DIPK1C: variants seen among roughly 807,000 people sequenced by gnomAD.
The protein encoded by DIPK1C is divergent protein kinase domain 1C.
Under a neutral mutation model 28.0 loss-of-function variants are expected in DIPK1C, and 33 were observed. The observed-to-expected ratio is 1.18, with a 90% CI of 0.89 to 1.58. The LOEUF is 1.58. DIPK1C is among the 40% of genes most tolerant of loss of function. DIPK1C has a pLI of 0.00. For synonymous variants in DIPK1C, 255 were observed against 248.8 expected (o/e 1.02, Z -0.23); for missense variants, 569 against 568.5 (o/e 1.00, Z -0.01).
At chr18:74,460,049 A>T (rs143318393), upstream of DIPK1C, among the ~76,000 whole-genome samples, 20 of 152,272 alleles carry the variant, frequency 1.3e-4, no homozygotes, top group African/African-American at 4.6e-4. Context: ...GAGAAGCTTT[A>T]TTTGGGCTGA....
chr18:74,456,854 C>T (rs1436053538), intron 1 of DIPK1C, among the ~76,000 whole-genome samples: 1 of 152,186 alleles, frequency 6.6e-6, no homozygotes, highest in Non-Finnish European at 1.5e-5. Context: ...GGAGAGACAC[C>T]CCCAGCGCGC....
intron 3 of DIPK1C, among the ~76,000 whole-genome samples, chr18:74,441,626 T>G (rs1465522121): frequency 6.6e-6 from 1 of 152,166 alleles, no homozygotes; most frequent in African/African-American, 2.4e-5. Flanking sequence ...TGGATTAGTC[T>G]CAGGATTCTC....
At chr18:74,442,886 C>A (rs1283050033) in intron 2 of DIPK1C, among the ~76,000 whole-genome samples, 1 of 152,198 alleles carries the variant, frequency 6.6e-6, no homozygotes, top group Non-Finnish European at 1.5e-5. Context: ...ATACAGAGAA[C>A]CTATTCCGTG....
At chr18:74,444,824 C>T (rs985491017) in intron 2 of DIPK1C, among the ~76,000 whole-genome samples, 2 of 152,134 alleles carry the variant, frequency 1.3e-5, no homozygotes, top group African/African-American at 4.8e-5. Flanking sequence ...AAAACACAGT[C>T]TGGGGCTAGG....
chr18:74,461,594 C>T (rs932194035), upstream of DIPK1C, among the ~76,000 whole-genome samples: 46 of 152,020 alleles, frequency 3.0e-4, no homozygotes, highest in Non-Finnish European at 6.5e-4. Flanking sequence ...GTCTCAAACT[C>T]CTGGGCTCAA....
chr18:74,444,225 A>G (rs1198807175), intron 2 of DIPK1C, among the ~76,000 whole-genome samples: 2 of 152,196 alleles, frequency 1.3e-5, no homozygotes, highest in African/African-American at 4.8e-5. Context: ...CTGGAGTAGG[A>G]AGCCATACCA....
chr18:74,446,786 G>A lies in DIPK1C; in HGVS notation c.696C>T (p.His232=). The change falls in exon 2 of 4, where the codon CAC becomes CAT. Residue 232 remains histidine, a synonymous_variant. Coordinates refer to ENST00000343998, the MANE Select transcript of DIPK1C (RefSeq NM_001044369.3). The part of the protein sequence containing the change: ...VEFLAAGSPH[H]RALFPLDRAP... Reference sequence around the variant, plus strand: ...CCCGGTCCAGGGGGAAGAGTGCCCTGTGGTGGGGGCTGCCCGCGGCCAGGA... The same window carrying A: ...CCCGGTCCAGGGGGAAGAGTGCCCTATGGTGGGGGCTGCCCGCGGCCAGGA... 5 of 1,501,418 alleles carry A rather than the reference G, an allele frequency of 3.3e-6. No individual in the cohort carries two copies. In the South Asian group the frequency reaches 6.5e-5, roughly 20 times the overall value. 93.0% of individuals were successfully genotyped at this position (1,501,418 alleles called of 1,614,324 possible). A position where few individuals can be genotyped will look rare whatever the true frequency, so the allele number is the denominator to read the frequency against.
intron 1 of DIPK1C, among the ~76,000 whole-genome samples, chr18:74,450,104 G>A (rs1986366732): frequency 6.6e-6 from 1 of 152,120 alleles, no homozygotes; most frequent in Non-Finnish European, 1.5e-5. Flanking sequence ...AGAAGATATA[G>A]ATGGCAGGAA....
chr18:74,448,984 C>T (rs1986336418), intron 1 of DIPK1C, among the ~76,000 whole-genome samples: 1 of 152,088 alleles, frequency 6.6e-6, no homozygotes, highest in East Asian at 1.9e-4. Context: ...TGGTGCATGC[C>T]TGTAGTCCCA....
Position 74,446,659 on chromosome 18 carries a change from G to A in DIPK1C, c.823C>T (p.Leu275Phe). The change falls in exon 2 of 4, where the codon CTC (leucine) becomes TTC (phenylalanine). Residue 275 changes from leucine to phenylalanine, a missense_variant. By Grantham distance (22) the Leu-to-Phe change is conservative. Transcript: ENST00000343998. ...NHFDSDFSHRLHLCDIKPENF... is the reference protein window; with the variant it reads ...NHFDSDFSHRFHLCDIKPENF... ...TCCGGCTTGATGTCGCAGAGGTGGA[G>A]GCGGTGGGAAAAGTCACTGTCAAAA... 2 of 1,501,722 alleles carry A rather than the reference G, an allele frequency of 1.3e-6. No individual in the cohort carries two copies. The highest frequency in any genetic ancestry group is 8.9e-7 in the Non-Finnish European group (1 of 1,124,324). 93.0% of individuals were successfully genotyped at this position (1,501,722 alleles called of 1,614,324 possible). A position where few individuals can be genotyped will look rare whatever the true frequency, so the allele number is the denominator to read the frequency against.
chr18:74,457,521 T>A (rs909112557), upstream of DIPK1C, among the ~76,000 whole-genome samples: 1 of 152,140 alleles, frequency 6.6e-6, no homozygotes, highest in South Asian at 2.1e-4. Context: ...CTTTTTGCAC[T>A]TTTTTCCCCC....
At chr18:74,456,380 C>A (rs1986512049) in intron 1 of DIPK1C, among the ~76,000 whole-genome samples, 1 of 152,244 alleles carries the variant, frequency 6.6e-6, no homozygotes, top group Non-Finnish European at 1.5e-5. Flanking sequence ...TGCGAGCTTT[C>A]GGGCCCTCCC....
chr18:74,452,044 G>A (rs1986408923), intron 1 of DIPK1C, among the ~76,000 whole-genome samples: 1 of 152,192 alleles, frequency 6.6e-6, no homozygotes, highest in Non-Finnish European at 1.5e-5. Context: ...GTAAAATAAA[G>A]TGTTGACTAT....
At chr18:74,448,563 T>A (rs899618316) in intron 1 of DIPK1C, among the ~76,000 whole-genome samples, 3 of 152,104 alleles carry the variant, frequency 2.0e-5, no homozygotes, top group African/African-American at 7.2e-5. Context: ...GGCCTCAAAC[T>A]CCTTCCTTGC....
intron 2 of DIPK1C, among the ~76,000 whole-genome samples, chr18:74,442,581 G>A (rs542731100): frequency 9.9e-5 from 15 of 152,230 alleles, no homozygotes; most frequent in Non-Finnish European, 1.3e-4. Context: ...TGCCCGCCTC[G>A]GCCTCCCAAA....
chr18:74,444,031 A>C (rs554594641), intron 2 of DIPK1C, among the ~76,000 whole-genome samples: 1 of 151,816 alleles, frequency 6.6e-6, no homozygotes, highest in Admixed American at 6.5e-5. Context: ...TATGCACCTA[A>C]AATAAGAACA....
At chr18:74,462,666 TA>T (rs534368468), upstream of DIPK1C, among the ~76,000 whole-genome samples, 6,107 of 138,294 alleles carry the variant, frequency 0.044, 139 homozygotes, top group East Asian at 0.066. Flanking sequence ...ATGTTTTGCT[TA>T]AAAAAAAAAA....
At chr18:74,463,812 C>A in the DIPK1C span, among the ~76,000 whole-genome samples, 1 of 152,174 alleles carries the variant, frequency 6.6e-6, no homozygotes, top group African/African-American at 2.4e-5. Context: ...GTTAAGCCTG[C>A]CCAAAAGAGC....
rs1008754663 is a variant in DIPK1C, at chr18:74,436,603, C to A, written c.1158G>T (p.Gly386=). ...CTCTCCGGGTGTTCCCACTGGGGAC[C>A]CCAGGGTCTGCACATTCCTGCACCG... ...QEAVQECADP[G]VPSGNTRRAA... Residue 386 remains glycine, a synonymous_variant, in exon 4 of 4, where the codon GGG becomes GGT. Coordinates refer to ENST00000343998, the MANE Select transcript of DIPK1C (RefSeq NM_001044369.3). 1.2e-6 allele frequency: 2 copies of A among 1,613,300 alleles called. No individual in the cohort carries two copies. Among genetic ancestry groups the A allele is most frequent in the Non-Finnish European group, 8.5e-7 (1 of 1,179,982 alleles).
Sources: allele counts gnomAD v4.1 joint callset (sites outside exome capture counted in the v4.1 genomes callset), GRCh38; gene constraint gnomAD v4.1.1; transcripts MANE v1.5; gene names NCBI Gene and HGNC (gene_info 2026-07-23, HGNC 2026-07-21).